Variants in BRINP1 observed in about 807,000 individuals in gnomAD.
BRINP1 encodes BMP/retinoic acid inducible neural specific 1.
A neutral mutation model predicts 72.9 loss-of-function variants in BRINP1; 17 were observed. The ratio of observed to expected loss-of-function variants is 0.23; its 90% CI spans 0.16 to 0.35. The LOEUF (loss-of-function observed/expected upper bound fraction) is 0.35, where lower values mean the gene tolerates loss of function less well. BRINP1 is among the 10% of genes least tolerant of loss of function. The pLI, the probability that BRINP1 is intolerant of heterozygous loss-of-function variation, is 1.00. For missense variants in BRINP1, 850 were observed against 1,001.6 expected (o/e 0.85, Z 2.04); for synonymous variants, 418 against 378.5 (o/e 1.10, Z -1.21).
intron 2 of BRINP1, among the ~76,000 whole-genome samples, chr9:119,280,347 T>C (rs1830697125): frequency 6.6e-6 from 1 of 151,620 alleles, no homozygotes; most frequent in South Asian, 2.1e-4. Context: ...CATACCATTC[T>C]CCTGCCTCAG....
chr9:119,241,952 C>T lies in BRINP1; in HGVS notation c.579+95G>A, dbSNP rs565226916. Reference sequence around the variant, plus strand: ...CATCACGAGCTACATGGTTATGAACCCAGAAATTACATCTGTCCATCCACT... The same window carrying T: ...CATCACGAGCTACATGGTTATGAACTCAGAAATTACATCTGTCCATCCACT... On this transcript the variant is annotated intron_variant, in intron 4 of 7. Coordinates refer to ENST00000265922, the MANE Select transcript of BRINP1 (RefSeq NM_014618.3). The T allele has an allele frequency of 2.2e-6, 3 of 1,375,932 alleles. No individual in the cohort carries two copies. The Admixed American group carries it at 6.0e-5, about 28-fold the overall frequency. 85.2% of individuals were successfully genotyped at this position (1,375,932 alleles called of 1,614,324 possible).
chr9:119,349,879 A>G (rs1168654019), intron 1 of BRINP1, among the ~76,000 whole-genome samples: 1 of 152,082 alleles, frequency 6.6e-6, no homozygotes, highest in Admixed American at 6.5e-5. Flanking sequence ...CTTCCTTCGT[A>G]TTTCTCTACT....
At chr9:119,220,528 T>C (rs1046205424) in intron 5 of BRINP1, among the ~76,000 whole-genome samples, 1 of 152,082 alleles carries the variant, frequency 6.6e-6, no homozygotes, top group Non-Finnish European at 1.5e-5. Flanking sequence ...AGTAGTACAT[T>C]AGGAATTGTT....
At chr9:119,361,797 A>ATTT (rs869281749) in intron 1 of BRINP1, among the ~76,000 whole-genome samples, 23 of 64,466 alleles carry the variant, frequency 3.6e-4, no homozygotes, top group African/African-American at 8.8e-4. Context: ...CAGTTTTTGC[A>ATTT]TTTTTTTTTT....
intron 7 of BRINP1, among the ~76,000 whole-genome samples, chr9:119,188,944 A>G (rs890101808): frequency 6.6e-6 from 1 of 152,220 alleles, no homozygotes; most frequent in Admixed American, 6.5e-5. Context: ...AATCTCTAGT[A>G]TGAAAGTTAA....
chr9:119,357,094 C>G (rs1831576501), intron 1 of BRINP1, among the ~76,000 whole-genome samples: 1 of 152,206 alleles, frequency 6.6e-6, no homozygotes, highest in South Asian at 2.1e-4. Flanking sequence ...CCAAGATTAT[C>G]TTCTGATAGT....
chr9:119,190,151 A>C (rs1341531124), intron 7 of BRINP1, among the ~76,000 whole-genome samples: 2 of 151,938 alleles, frequency 1.3e-5, no homozygotes, highest in Non-Finnish European at 2.9e-5. Context: ...ACATATGAAA[A>C]CCTATAGGAT....
At chr9:119,263,333 C>G (rs941784622) in intron 2 of BRINP1, among the ~76,000 whole-genome samples, 1 of 152,128 alleles carries the variant, frequency 6.6e-6, no homozygotes, top group Non-Finnish European at 1.5e-5. Flanking sequence ...CCTCTGAGGT[C>G]TCCTCTTCTT....
At position 119,177,561 on chromosome 9, in the gene BRINP1, T is replaced by C. The variant is rs540712328; in HGVS notation, c.1146-9337A>G. Among the ~76,000 whole-genome samples, 8 of 152,282 alleles carry C rather than the reference T, an allele frequency of 5.3e-5. No homozygotes were observed. In the South Asian group the frequency reaches 1.7e-3, roughly 32 times the overall value. On this transcript the variant is annotated intron_variant, in intron 7 of 7. Coordinates refer to ENST00000265922, the MANE Select transcript of BRINP1 (RefSeq NM_014618.3). ...AGGACAGTACCCCATTTAGAGTTCC[T>C]CTGTTCCCATCTGCAAGGCATTCTA...
At chr9:119,305,476 C>A (rs1255256343) in intron 2 of BRINP1, among the ~76,000 whole-genome samples, 1 of 152,208 alleles carries the variant, frequency 6.6e-6, no homozygotes, top group African/African-American at 2.4e-5. Flanking sequence ...ATCAGTACTA[C>A]TCAAAATACA....
chr9:119,356,033 G>T (rs74918043), intron 1 of BRINP1, among the ~76,000 whole-genome samples: 9 of 152,018 alleles, frequency 5.9e-5, no homozygotes, highest in Non-Finnish European at 1.2e-4. Flanking sequence ...TATAAAGATC[G>T]AGATAGAGAT....
chr9:119,320,300 C>T (rs1815377846), intron 1 of BRINP1, among the ~76,000 whole-genome samples: 1 of 152,166 alleles, frequency 6.6e-6, no homozygotes, highest in African/African-American at 2.4e-5. Context: ...ATCAAATGAA[C>T]TGTGGATTTC....
At chr9:119,324,181 G>C (rs1474553506) in intron 1 of BRINP1, among the ~76,000 whole-genome samples, 1 of 151,554 alleles carries the variant, frequency 6.6e-6, no homozygotes, top group Non-Finnish European at 1.5e-5. Context: ...TAATTCCAAT[G>C]AGAATTTACT....
At chr9:119,298,254 C>T (rs1564241979) in intron 2 of BRINP1, among the ~76,000 whole-genome samples, 1 of 152,144 alleles carries the variant, frequency 6.6e-6, no homozygotes, top group Non-Finnish European at 1.5e-5. Context: ...AACAATAGGG[C>T]CCATATTTAC....
intron 7 of BRINP1, among the ~76,000 whole-genome samples, chr9:119,174,697 G>A (rs968308003): frequency 6.6e-5 from 10 of 151,298 alleles, no homozygotes; most frequent in Non-Finnish European, 1.3e-4. Context: ...ATTCACAATA[G>A]CAAAGACTTG....
chr9:119,174,862 C>T (rs1231301632), intron 7 of BRINP1, among the ~76,000 whole-genome samples: 8 of 147,672 alleles, frequency 5.4e-5, no homozygotes, highest in Non-Finnish European at 1.0e-4. Flanking sequence ...TCAACTATCG[C>T]AAGAACAAAA....
intron 2 of BRINP1, among the ~76,000 whole-genome samples, chr9:119,304,963 T>C (rs942517): frequency 0.28 from 43,196 of 152,170 alleles, 7,283 homozygotes; most frequent in Non-Finnish European, 0.37. Flanking sequence ...CCTCATTGTT[T>C]TCTTTTTGCC....
At chr9:119,280,639 C>T (rs561591590) in intron 2 of BRINP1, among the ~76,000 whole-genome samples, 80 of 152,220 alleles carry the variant, frequency 5.3e-4, no homozygotes, top group African/African-American at 1.8e-3. Flanking sequence ...AATCTCACTA[C>T]TCAAGTTTGT....
intron 3 of BRINP1, among the ~76,000 whole-genome samples, chr9:119,246,447 C>T (rs991653569): frequency 6.6e-6 from 1 of 152,210 alleles, no homozygotes; most frequent in Non-Finnish European, 1.5e-5. Context: ...CCTTGAACAT[C>T]GGACTCCAAG....
Sources: allele counts gnomAD v4.1 joint callset (sites outside exome capture counted in the v4.1 genomes callset), GRCh38; gene constraint gnomAD v4.1.1; transcripts MANE v1.5; gene names NCBI Gene and HGNC (gene_info 2026-07-23, HGNC 2026-07-21).